Variants in DOCK10 observed in about 807,000 individuals in gnomAD.
DOCK10 encodes dedicator of cytokinesis 10, also known as dedicator of cytokinesis protein 10.
A neutral mutation model predicts 280.1 loss-of-function variants in DOCK10; 145 were observed. The ratio of observed to expected loss-of-function variants is 0.52; its 90% CI spans 0.45 to 0.59. DOCK10 has a LOEUF of 0.59. Ranked by LOEUF, DOCK10 falls within the 20% of genes least tolerant of loss-of-function variation. The probability of loss-of-function intolerance (pLI) is 0.00; values close to 1 mark genes in which losing one functional copy is unlikely to be tolerated. For synonymous variants in DOCK10, 915 were observed against 942.2 expected, an observed-to-expected ratio of 0.97 and a Z score of 0.53; for missense variants, 2,368 against 2,651.7, an observed-to-expected ratio of 0.89 and a Z score of 2.35.
chr2:224,908,613 C>T (rs1019338360), intron 3 of DOCK10, among the ~76,000 whole-genome samples: 1 of 152,174 alleles, frequency 6.6e-6, no homozygotes, highest in Non-Finnish European at 1.5e-5. Flanking sequence ...CCTCCTGCAT[C>T]GGCCTCCTGA....
intron 2 of DOCK10, among the ~76,000 whole-genome samples, chr2:224,919,482 GGTGT>G (rs1701565699): frequency 6.7e-6 from 1 of 149,948 alleles, no homozygotes; most frequent in South Asian, 2.1e-4. Context: ...GAGTGTGGAT[GGTGT>G]GTATGTGTGG....
chr2:224,837,693 G>T, intron 25 of DOCK10, 69 bp downstream of exon 25: 1 of 1,357,306 alleles, frequency 7.4e-7, no homozygotes, highest in Non-Finnish European at 1.1e-6. Flanking sequence ...CCCACTTACT[G>T]CAGACAGGAA....
chr2:224,880,563 C>A (rs1037768724), intron 7 of DOCK10, among the ~76,000 whole-genome samples: 7 of 152,160 alleles, frequency 4.6e-5, no homozygotes, highest in Non-Finnish European at 2.9e-5. Context: ...TATCAGTGTC[C>A]TTTGCAGCCA....
intron 9 of DOCK10, 102 bp downstream of exon 9, chr2:224,874,564 T>C: frequency 8.3e-7 from 1 of 1,199,756 alleles, no homozygotes. Context: ...AATTAGCTTC[T>C]TGGTCTAAAT....
At chr2:224,804,037 C>A (rs1315655862) in intron 39 of DOCK10, 75 bp downstream of exon 39, 4 of 724,244 alleles carry the variant, frequency 5.5e-6, no homozygotes, top group Middle Eastern at 2.4e-4. Context: ...TGTGTGTCTA[C>A]CCCTGACATG....
intron 50 of DOCK10, chr2:224,778,489 T>TGTA: frequency 1.6e-6 from 1 of 622,098 alleles, no homozygotes; most frequent in African/African-American, 1.8e-5. Flanking sequence ...TTAATGTAAA[T>TGTA]ATTTCCTAGC....
intron 3 of DOCK10, among the ~76,000 whole-genome samples, chr2:224,907,563 C>T (rs1000797168): frequency 1.3e-5 from 2 of 152,062 alleles, no homozygotes; most frequent in South Asian, 2.1e-4. Context: ...TGGCGGGCCC[C>T]TGTAGTCCCA....
rs965383470 is a variant in DOCK10, at chr2:224,932,412, G to A, written c.124-744C>T. 1.6e-4 allele frequency among the ~76,000 whole-genome samples: 24 copies of A among 152,192 alleles called. No individual in the cohort carries two copies. In the East Asian group the frequency reaches 1.9e-3, roughly 12 times the overall value. ...GAGAAATGTGACAGTTTCATTATAG[G>A]GTTGATGTGTTTGTTCCAATTGTAC... On this transcript the variant is annotated intron_variant, in intron 1 of 55. Transcript: ENST00000258390.
At chr2:224,885,167 T>A (rs1299871255) in intron 7 of DOCK10, among the ~76,000 whole-genome samples, 1 of 152,124 alleles carries the variant, frequency 6.6e-6, no homozygotes, top group African/African-American at 2.4e-5. Context: ...ATCTGGCTAA[T>A]TTTTGTATTT....
chr2:225,040,513 C>T (rs958264307), intron 1 of DOCK10, among the ~76,000 whole-genome samples: 4 of 147,368 alleles, frequency 2.7e-5, no homozygotes, highest in South Asian at 2.2e-4. Context: ...GAAAGCAGTG[C>T]GTGTGTGTGT....
intron 30 of DOCK10, among the ~76,000 whole-genome samples, chr2:224,816,413 A>G (rs1694141460): frequency 6.6e-6 from 1 of 152,104 alleles, no homozygotes; most frequent in Non-Finnish European, 1.5e-5. Context: ...ATTGAGGAAT[A>G]TGAAGCCATA....
chr2:224,913,635 A>G (rs1575047448), intron 3 of DOCK10, among the ~76,000 whole-genome samples: 1 of 152,154 alleles, frequency 6.6e-6, no homozygotes, highest in Non-Finnish European at 1.5e-5. Flanking sequence ...ATTTGGTTAA[A>G]TCTGTCAGTT....
chr2:225,041,427 C>G (rs1195574854), intron 1 of DOCK10, among the ~76,000 whole-genome samples: 1 of 152,152 alleles, frequency 6.6e-6, no homozygotes, highest in Non-Finnish European at 1.5e-5. Flanking sequence ...GCAGTGTGGA[C>G]CTACTGCAAC....
intron 3 of DOCK10, among the ~76,000 whole-genome samples, chr2:224,904,892 C>T (rs917298832): frequency 6.6e-6 from 1 of 152,130 alleles, no homozygotes; most frequent in African/African-American, 2.4e-5. Context: ...TTTCTTGAGA[C>T]AAGATAAATT....
chr2:224,854,474 C>T (rs951532092), intron 16 of DOCK10, among the ~76,000 whole-genome samples: 7 of 152,172 alleles, frequency 4.6e-5, no homozygotes, highest in South Asian at 2.1e-4. Flanking sequence ...TGAGTGGCTA[C>T]GCAGTGTTCA....
At chr2:224,866,158 T>A (rs1172172558) in intron 11 of DOCK10, among the ~76,000 whole-genome samples, 3 of 152,240 alleles carry the variant, frequency 2.0e-5, no homozygotes, top group African/African-American at 7.2e-5. Context: ...CAGAATCCCA[T>A]CTAGGACTAC....
At chr2:224,835,705 C>A (rs555356445) in intron 25 of DOCK10, among the ~76,000 whole-genome samples, 10 of 152,316 alleles carry the variant, frequency 6.6e-5, no homozygotes, top group African/African-American at 2.4e-4. Flanking sequence ...AGAATCTAGT[C>A]TCTTACTTGC....
intron 1 of DOCK10, among the ~76,000 whole-genome samples, chr2:224,967,154 A>T (rs1704804865): frequency 6.7e-6 from 1 of 148,574 alleles, no homozygotes; most frequent in South Asian, 2.1e-4. Context: ...ATCTCGGCTC[A>T]CTGCAAGCTC....
intron 1 of DOCK10, among the ~76,000 whole-genome samples, chr2:224,996,516 C>A (rs1055168118): frequency 1.3e-5 from 2 of 152,092 alleles, no homozygotes; most frequent in African/African-American, 2.4e-5. Flanking sequence ...AAACTAGAAC[C>A]CTTTGAAAGT....
Sources: gnomAD v4.1 joint callset for allele counts (sites outside exome capture counted in the v4.1 genomes callset) on GRCh38, gnomAD v4.1.1 for gene constraint, MANE v1.5 for transcripts, NCBI Gene and HGNC (gene_info 2026-07-23, HGNC 2026-07-21) for gene names.